Variants in HEATR4 observed in about 807,000 individuals in gnomAD.
The protein encoded by HEATR4 is HEAT repeat containing 4.
In HEATR4, 95 loss-of-function variants were observed where a neutral mutation model predicts 108.8. That is an observed-to-expected ratio of 0.87 (90% CI 0.74 to 1.04). The LOEUF (loss-of-function observed/expected upper bound fraction) is 1.04. HEATR4 is among the 50% of genes least tolerant of loss of function. HEATR4 has a pLI of 0.00. For synonymous variants in HEATR4, 443 were observed against 459.4 expected (o/e 0.96, Z 0.46); for missense variants, 1,152 against 1,253.8 (o/e 0.92, Z 1.23).
intron 5 of HEATR4, among the ~76,000 whole-genome samples, chr14:73,517,871 G>C (rs187149214): frequency 6.6e-6 from 1 of 151,884 alleles, no homozygotes; most frequent in African/African-American, 2.4e-5. Flanking sequence ...GACAGATCAC[G>C]AGGTCAAGAG....
intron 2 of HEATR4, among the ~76,000 whole-genome samples, chr14:73,528,705 A>T (rs1888515144): frequency 6.6e-6 from 1 of 152,218 alleles, no homozygotes; most frequent in African/African-American, 2.4e-5. Context: ...TATGAAGCTC[A>T]AAATCAGAAA....
At chr14:73,506,369 G>T in intron 10 of HEATR4, 98 bp downstream of exon 10, 1 of 772,600 alleles carries the variant, frequency 1.3e-6, no homozygotes, top group Non-Finnish European at 2.2e-6. Context: ...AGATCTGTTT[G>T]GTAAGAATGG....
At chr14:73,617,974 A>AGTC in the HEATR4 span, among the ~76,000 whole-genome samples, 3 of 151,432 alleles carry the variant, frequency 2.0e-5, no homozygotes. Context: ...GTGAAACCCC[A>AGTC]TCTACTAAAG....
At chr14:73,583,834 T>C in the HEATR4 span, among the ~76,000 whole-genome samples, 1 of 151,682 alleles carries the variant, frequency 6.6e-6, no homozygotes, top group Admixed American at 6.6e-5. Context: ...ACCCCGTCTC[T>C]ACTAAAAATA....
chr14:73,595,779 C>G, the HEATR4 span: 5 of 1,217,786 alleles, frequency 4.1e-6, no homozygotes, highest in South Asian at 1.0e-4. Flanking sequence ...GTGTATTTTA[C>G]GTAACTTTGT....
At chr14:73,602,680 C>A in the HEATR4 span, among the ~76,000 whole-genome samples, 1 of 152,212 alleles carries the variant, frequency 6.6e-6, no homozygotes, top group Non-Finnish European at 1.5e-5. Context: ...TGATTGATAC[C>A]ATATACTCAG....
At chr14:73,512,418 T>C (rs1887324629) in intron 6 of HEATR4, among the ~76,000 whole-genome samples, 1 of 152,192 alleles carries the variant, frequency 6.6e-6, no homozygotes. Flanking sequence ...TGTAACCATC[T>C]GGGAAATAAA....
intron 11 of HEATR4, among the ~76,000 whole-genome samples, chr14:73,501,332 A>G (rs1886445786): frequency 6.6e-6 from 1 of 151,928 alleles, no homozygotes. Flanking sequence ...TCACTATGTT[A>G]GCCAGGATGG....
At chr14:73,619,175 T>C in the HEATR4 span, 16 of 1,504,066 alleles carry the variant, frequency 1.1e-5, no homozygotes, top group African/African-American at 4.2e-5. Context: ...GTAAAATCAC[T>C]GTCTGTGTCC....
intron 2 of HEATR4, among the ~76,000 whole-genome samples, chr14:73,528,380 G>A (rs1210490041): frequency 6.1e-5 from 5 of 81,536 alleles, no homozygotes; most frequent in African/African-American, 1.6e-4. Flanking sequence ...CGACAAGAGC[G>A]AAACTTCATC....
At chr14:73,491,576 C>A in intron 17 of HEATR4, 1 of 1,542,542 alleles carries the variant, frequency 6.5e-7, no homozygotes, top group South Asian at 1.2e-5. Context: ...CCCGCTGCGG[C>A]GCGTCTTGGC....
chr14:73,612,608 T>G, the HEATR4 span: 1 of 1,419,136 alleles, frequency 7.0e-7, no homozygotes, highest in South Asian at 1.4e-5. Flanking sequence ...CGCGGGCCGC[T>G]GCTGCTGGGA....
At chr14:73,585,816 T>C in the HEATR4 span, among the ~76,000 whole-genome samples, 2 of 125,308 alleles carry the variant, frequency 1.6e-5, no homozygotes, top group African/African-American at 9.1e-5. Flanking sequence ...TGTTTTGTCT[T>C]TTTCTTTTTT....
the HEATR4 span, among the ~76,000 whole-genome samples, chr14:73,622,192 G>C: frequency 1.9e-4 from 29 of 152,202 alleles, no homozygotes; most frequent in African/African-American, 6.7e-4. Flanking sequence ...GAAAGTGGCA[G>C]GGAGGATGAG....
chr14:73,509,581 G>A, intron 7 of HEATR4, 108 bp from the exon 8 acceptor site: 4 of 1,060,784 alleles, frequency 3.8e-6, no homozygotes, highest in Non-Finnish European at 5.7e-6. Flanking sequence ...AGCTGCAGTT[G>A]CTTAGTGCTA....
chr14:73,501,417 G>A (rs1326224131), intron 11 of HEATR4, among the ~76,000 whole-genome samples: 3 of 151,032 alleles, frequency 2.0e-5, no homozygotes, highest in African/African-American at 4.9e-5. Flanking sequence ...GAGCCACCGC[G>A]CCCGGCCTTA....
At chr14:73,598,217 C>CAAAAAAAAAAAAAAA in the HEATR4 span, among the ~76,000 whole-genome samples, 6 of 54,900 alleles carry the variant, frequency 1.1e-4, no homozygotes, top group African/African-American at 3.2e-4. Flanking sequence ...ACTAAAAATA[C>CAAAAAAAAAAAAAAA]AAAAAAAAAA....
chr14:73,592,094 C>T, the HEATR4 span: 1 of 1,498,566 alleles, frequency 6.7e-7, no homozygotes, highest in East Asian at 2.7e-5. Flanking sequence ...AGGGCGCGCT[C>T]TTCCGGGCCC....
chr14:73,522,455 C>T lies in HEATR4; in HGVS notation c.698G>A (p.Trp233Ter), dbSNP rs1404324458. 3 of 1,614,216 alleles carry T rather than the reference C, an allele frequency of 1.9e-6. No individual in the cohort carries two copies. The highest frequency in any genetic ancestry group is 2.5e-6 in the Non-Finnish European group (3 of 1,180,032). Residue 233 changes from tryptophan (W) to a stop codon, truncating the protein, a stop_gained, in exon 3 of 18, where the codon TGG becomes TAG. Transcript: ENST00000553558. LOFTEE classifies it high-confidence loss of function. ...GTACTGCTGGCGCAGGAAGCTCTGC[C>T]ACTTGTTGGGGGATGCCCCAGGCCT... ...PRRPGASPNK[W>*]QSFLRQQYDW... is the part of the protein sequence containing the mutation.
Sources: gnomAD v4.1 joint callset for allele counts (sites outside exome capture counted in the v4.1 genomes callset) on GRCh38, gnomAD v4.1.1 for gene constraint, MANE v1.5 for transcripts, NCBI Gene and HGNC (gene_info 2026-07-23, HGNC 2026-07-21) for gene names.